The following HAL variants were observed in gnomAD, a reference collection of about 807,000 sequenced individuals.
HAL encodes histidase.
In HAL, 85 loss-of-function variants were observed where a neutral mutation model predicts 81.1. That is an observed-to-expected ratio of 1.05 (90% CI 0.88 to 1.25). HAL has a LOEUF of 1.25. Among genes scored for constraint, HAL ranks in the 50% most tolerant of loss-of-function variants. The probability of loss-of-function intolerance (pLI) is 0.00; values close to 1 mark genes in which losing one functional copy is unlikely to be tolerated. For synonymous variants in HAL, 301 were observed against 309.2 expected (o/e 0.97, Z 0.28); for missense variants, 798 against 836.6 (o/e 0.95, Z 0.57).
At chr12:95,994,242 C>T (rs1950006171) in intron 4 of HAL, 78 bp from the exon 5 acceptor site, 2 of 913,678 alleles carry the variant, frequency 2.2e-6, no homozygotes, top group South Asian at 1.3e-5. Context: ...TCCAACAGAA[C>T]CAAACTGACA....
At chr12:95,983,721 G>A (rs1357539580) in intron 15 of HAL, 190 bp downstream of exon 15, 1 of 617,482 alleles carries the variant, frequency 1.6e-6, no homozygotes, top group Admixed American at 2.6e-5. Flanking sequence ...AAGTTCACAG[G>A]TCACCTCTGC....
At chr12:95,990,220 C>CA in intron 10 of HAL, 173 bp downstream of exon 10, 1 of 692,904 alleles carries the variant, frequency 1.4e-6, no homozygotes, top group Non-Finnish European at 2.6e-6. Context: ...TAGAAGCTAA[C>CA]AACAGTCTTG....
At chr12:95,994,204 T>C (rs1950005700) in intron 4 of HAL, 40 bp from the exon 5 acceptor site, 1 of 1,399,840 alleles carries the variant, frequency 7.1e-7, no homozygotes, top group Non-Finnish European at 1.0e-6. Flanking sequence ...CTGAACAGCT[T>C]GATTATTCTA....
Position 95,995,906 on chromosome 12 carries a change from G to A in HAL, c.5C>T (p.Pro2Leu). 6.2e-7 allele frequency: 1 copy of A among 1,603,690 alleles called. No individual in the cohort carries two copies. Among genetic ancestry groups the A allele is most frequent in the Non-Finnish European group, 8.5e-7 (1 of 1,179,918 alleles). The change falls in exon 2 of 21, where the codon CCC becomes CTC. Residue 2 changes from proline to leucine, a missense_variant. Transcript: ENST00000261208. The stretch of plus-strand genomic sequence containing the variant: ...CCCACGTACGTGCACCGTGTATCTG[G>A]GCATGGCTCCGCTGCAGCCTGAGGT... M[P>L]RYTVHVRGEW...
At position 95,993,801 on chromosome 12, in the gene HAL, G is replaced by A; in HGVS notation, c.522C>T (p.Ala174=). Residue 174 remains alanine (A), a synonymous_variant, in exon 7 of 21, where the codon GCC becomes GCT. Coordinates refer to ENST00000261208, the MANE Select transcript of HAL (RefSeq NM_002108.4). ...YGITTGFGKF[A]RTVIPINKLQ... Reference sequence around the variant, plus strand: ...GCTTATTGATAGGAATTACAGTTCTGGCAAATTTCCCAAAACCTGTAGTAA... The same window carrying A: ...GCTTATTGATAGGAATTACAGTTCTAGCAAATTTCCCAAAACCTGTAGTAA... The A allele has an allele frequency of 6.3e-7, 1 of 1,579,132 alleles. No individual in the cohort carries two copies.
chr12:95,986,222 G>T, intron 12 of HAL, 62 bp from the exon 13 acceptor site: 1 of 1,002,188 alleles, frequency 1.0e-6, no homozygotes, highest in African/African-American at 1.6e-5. Flanking sequence ...TTTAAAGATG[G>T]GGGTCTCACT....
At chr12:95,991,756 T>G (rs12318681) in intron 9 of HAL, among the ~76,000 whole-genome samples, 3,046 of 152,216 alleles carry the variant, frequency 0.02, 92 homozygotes, top group African/African-American at 0.069. Context: ...GGGTTTAAGG[T>G]TGGAGTGCTA....
chr12:95,994,866 A>T, intron 3 of HAL, 41 bp from the exon 4 acceptor site: 1 of 1,611,952 alleles, frequency 6.2e-7, no homozygotes, highest in Non-Finnish European at 8.5e-7. Context: ...GTGTGGAAAA[A>T]CCCCCAGCCC....
Position 95,993,555 on chromosome 12 carries a change from A to T in HAL, c.552-67T>A, listed in dbSNP as rs1183277565. The T allele has an allele frequency of 6.6e-6, 7 of 1,066,548 alleles. No individual in the cohort carries two copies. In the Admixed American group the frequency reaches 1.2e-4, roughly 18 times the overall value. The allele number at this position is 1,066,548 out of a possible 1,614,324, so 66.1% of individuals were successfully genotyped here. On this transcript the variant is annotated intron_variant, in intron 7 of 20. Transcript: ENST00000261208. ...GAGAAAATGTTCCCTCAGCTGGGAA[A>T]ATGAAGGGAATCATGGTCAAATCCT...
chr12:95,996,010 A>G lies in HAL; in HGVS notation c.-81-19T>C. ...TGGTCAGCTGGAAGGATGAGAATAGACTTTCAAACCACTCCCCCTCCTTCA... is the reference window on the plus strand; with the variant it reads ...TGGTCAGCTGGAAGGATGAGAATAGGCTTTCAAACCACTCCCCCTCCTTCA... On this transcript the variant is annotated intron_variant, in intron 1 of 20. Transcript: ENST00000261208. 8.5e-7 allele frequency: 1 copy of G among 1,177,352 alleles called. No individual in the cohort carries two copies. Among genetic ancestry groups the G allele is most frequent in the Non-Finnish European group, 1.2e-6 (1 of 813,184 alleles). 72.9% of individuals were successfully genotyped at this position (1,177,352 alleles called of 1,614,324 possible).
chr12:95,988,117 G>A (rs1949918875), intron 11 of HAL, 76 bp downstream of exon 11: 1 of 804,654 alleles, frequency 1.2e-6, no homozygotes, highest in African/African-American at 1.7e-5. Context: ...AATGATTGAG[G>A]CTGAGATTAA....
intron 7 of HAL, 124 bp from the exon 8 acceptor site, chr12:95,993,612 C>T: frequency 1.2e-6 from 1 of 867,408 alleles, no homozygotes; most frequent in African/African-American, 1.6e-5. Context: ...ATGGGAGAAA[C>T]CAGCCAGCCT....
chr12:95,994,927 G>C lies in HAL; in HGVS notation c.308+6C>G. Reference sequence around the variant, plus strand: ...AGCAGACCAAAGAGCCTGTGGGAAAGGATACAGATAAACTCCTTCTGGTTG... The same window carrying C: ...AGCAGACCAAAGAGCCTGTGGGAAACGATACAGATAAACTCCTTCTGGTTG... On this transcript the variant is annotated splice_donor_region_variant and intron_variant, in intron 3 of 20. Coordinates refer to ENST00000261208, the MANE Select transcript of HAL (RefSeq NM_002108.4). 1 of 1,611,852 alleles carries C rather than the reference G, an allele frequency of 6.2e-7. No individual in the cohort carries two copies. The highest frequency in any genetic ancestry group is 8.5e-7 in the Non-Finnish European group (1 of 1,177,956).
chr12:95,978,112 C>T (rs2080746035), intron 17 of HAL, 34 bp from the exon 18 acceptor site: 1 of 1,587,440 alleles, frequency 6.3e-7, no homozygotes, highest in South Asian at 1.1e-5. Flanking sequence ...AGAAGTGCTC[C>T]TCACAGGATG....
intron 12 of HAL, 65 bp downstream of exon 12, chr12:95,987,002 T>C: frequency 7.1e-7 from 1 of 1,407,308 alleles, no homozygotes; most frequent in Non-Finnish European, 1.0e-6. Flanking sequence ...TCTAAAGATC[T>C]CAGCCACCCC....
At chr12:95,988,293 T>C in intron 10 of HAL, 53 bp from the exon 11 acceptor site, 1 of 909,210 alleles carries the variant, frequency 1.1e-6, no homozygotes, top group Non-Finnish European at 1.9e-6. Context: ...TACTAGCCTA[T>C]TTCCAATATC....
At chr12:95,984,814 A>G (rs201179227) in intron 14 of HAL, among the ~76,000 whole-genome samples, 1 of 152,342 alleles carries the variant, frequency 6.6e-6, no homozygotes, top group East Asian at 1.9e-4. Context: ...TGTAGATCTA[A>G]TTTGGCAATT....
intron 7 of HAL, 129 bp from the exon 8 acceptor site, chr12:95,993,617 C>T (rs901810761): frequency 4.7e-6 from 4 of 855,974 alleles, no homozygotes; most frequent in South Asian, 1.4e-5. Flanking sequence ...AGAAACCAGC[C>T]AGCCTGGGTT....
At chr12:95,979,631 T>C (rs7308844) in intron 17 of HAL, among the ~76,000 whole-genome samples, 126,774 of 152,202 alleles carry the variant, frequency 0.83, 52,978 homozygotes, top group East Asian at 0.95. Context: ...ATTTTGATTT[T>C]AGATTAAAAA....
Sources: allele counts gnomAD v4.1 joint callset (sites outside exome capture counted in the v4.1 genomes callset), GRCh38; gene constraint gnomAD v4.1.1; transcripts MANE v1.5; gene names NCBI Gene and HGNC (gene_info 2026-07-23, HGNC 2026-07-21).